FHIP1B: variants seen among roughly 807,000 people sequenced by gnomAD.
The protein encoded by FHIP1B is FHF complex subunit HOOK-interacting protein 1B.
A neutral mutation model predicts 82.2 loss-of-function variants in FHIP1B; 28 were observed. The ratio of observed to expected loss-of-function variants is 0.34; its 90% CI spans 0.25 to 0.47. FHIP1B has a LOEUF of 0.47. Among genes scored for constraint, FHIP1B ranks in the 20% least tolerant of loss-of-function variants. FHIP1B has a pLI of 1.00. For synonymous variants in FHIP1B, 585 were observed against 516.1 expected, an observed-to-expected ratio of 1.13 and a Z score of -1.81; for missense variants, 1,110 against 1,262.6, an observed-to-expected ratio of 0.88 and a Z score of 1.83.
At chr11:6,212,033 C>G (rs1259929434) in intron 11 of FHIP1B, 166 bp from the exon 12 acceptor site, 1 of 891,970 alleles carries the variant, frequency 1.1e-6, no homozygotes, top group Non-Finnish European at 1.3e-6. Context: ...GGTACCATTT[C>G]CTGTCCCATC....
intron 1 of FHIP1B, among the ~76,000 whole-genome samples, chr11:6,226,650 A>C (rs1045841305): frequency 6.6e-6 from 1 of 152,254 alleles, no homozygotes; most frequent in Non-Finnish European, 1.5e-5. Context: ...TTCAAAGAAC[A>C]GTTGCAAATT....
In FHIP1B at chr11:6,224,044, G is replaced by T; in HGVS notation, c.343C>A (p.Gln115Lys). The change falls in exon 3 of 12, where the codon CAA (glutamine) becomes AAA (lysine). Residue 115 changes from glutamine to lysine, a missense_variant. Gln to Lys is a moderately conservative substitution (Grantham distance 53). Transcript: ENST00000449352. ...LLTRVLTWQLQWDELGDGVEE... is the reference protein window; with the variant it reads ...LLTRVLTWQLKWDELGDGVEE... Reference sequence around the variant, plus strand: ...ACCCCATCCCCAAGCTCATCCCATTGCAGCTGCCATGTCAACACACGGGTC... The same window carrying T: ...ACCCCATCCCCAAGCTCATCCCATTTCAGCTGCCATGTCAACACACGGGTC... The T allele has an allele frequency of 6.2e-7, 1 of 1,613,608 alleles. No individual in the cohort carries two copies. The highest frequency in any genetic ancestry group is 1.3e-5 in the African/African-American group (1 of 75,050).
chr11:6,231,878 C>G (rs1040313904), intron 1 of FHIP1B, among the ~76,000 whole-genome samples: 1 of 152,222 alleles, frequency 6.6e-6, no homozygotes, highest in African/African-American at 2.4e-5. Context: ...TCTCTCCCTA[C>G]TAGACTGAAA....
At chr11:6,230,101 A>G (rs1484013825) in intron 1 of FHIP1B, among the ~76,000 whole-genome samples, 2 of 152,178 alleles carry the variant, frequency 1.3e-5, no homozygotes, top group Non-Finnish European at 2.9e-5. Flanking sequence ...CACTCACCTT[A>G]TAGCCCAAAA....
At chr11:6,226,764 AG>A (rs961466954) in intron 1 of FHIP1B, among the ~76,000 whole-genome samples, 56 of 152,354 alleles carry the variant, frequency 3.7e-4, no homozygotes, top group African/African-American at 1.3e-3. Flanking sequence ...TATGCTAAGG[AG>A]TTTAGCTTTT....
chr11:6,227,418 G>A (rs1353781805), intron 1 of FHIP1B, among the ~76,000 whole-genome samples: 2 of 152,170 alleles, frequency 1.3e-5, no homozygotes, highest in East Asian at 3.9e-4. Context: ...ACAAGACCTG[G>A]CAAACAAATG....
chr11:6,217,053 T>C, intron 9 of FHIP1B: 1 of 700,920 alleles, frequency 1.4e-6, no homozygotes, highest in Admixed American at 2.0e-5. Flanking sequence ...CCAGGAAACA[T>C]CAAACACAGA....
chr11:6,224,411 A>G lies in FHIP1B; in HGVS notation c.106T>C (p.Cys36Arg). ...QTPVMADPET[C>R]LMVFKNHWSQ... ...CAGTGATTCTTGAAGACCATGAGGC[A>G]GGTCTCGGGATCAGCCATGACTGGG... The change falls in exon 2 of 12, where the codon TGC becomes CGC. Residue 36 changes from cysteine to arginine, a missense_variant. This residue lies in a region of FHIP1B where 467 missense variants were observed against 602.9 expected (regional missense o/e 0.77). Coordinates refer to ENST00000449352, the MANE Select transcript of FHIP1B (RefSeq NM_001098794.2). 6.2e-7 allele frequency: 1 copy of G among 1,614,170 alleles called. No individual in the cohort carries two copies. The highest frequency in any genetic ancestry group is 1.1e-5 in the South Asian group (1 of 91,084).
At chr11:6,214,968 C>T in intron 9 of FHIP1B, 57 bp from the exon 10 acceptor site, 1 of 1,431,922 alleles carries the variant, frequency 7.0e-7, no homozygotes, top group Non-Finnish European at 9.2e-7. Context: ...ATGCACATCG[C>T]ACGCATTCCT....
intron 1 of FHIP1B, among the ~76,000 whole-genome samples, chr11:6,234,067 T>C (rs1055517476): frequency 2.3e-4 from 35 of 152,268 alleles, no homozygotes; most frequent in African/African-American, 7.5e-4. Flanking sequence ...ACTATTGCTC[T>C]CACTGGACAG....
At position 6,214,791 on chromosome 11, in the gene FHIP1B, C is replaced by G; in HGVS notation, c.2336G>C (p.Arg779Pro). The change falls in exon 10 of 12, where the codon CGC (arginine) becomes CCC (proline). Residue 779 changes from arginine (R) to proline (P), a missense_variant. By Grantham distance (103) the Arg-to-Pro change is moderately radical. This residue lies in a region of FHIP1B where 39 missense variants were observed against 79.6 expected (regional missense o/e 0.49). Transcript: ENST00000449352. ...CATGTTGGTGTTGAGCAGGAAAGAG[C>G]GGAGCAGGGGCTGGGGGTGACAGGC... ...QLACHPQPLLRSFLLNTNMVF... is the reference protein window; with the variant it reads ...QLACHPQPLLPSFLLNTNMVF... 6.2e-7 allele frequency: 1 copy of G among 1,608,760 alleles called. No homozygotes were observed. The highest frequency in any genetic ancestry group is 8.5e-7 in the Non-Finnish European group (1 of 1,177,650).
intron 9 of FHIP1B, among the ~76,000 whole-genome samples, chr11:6,216,302 G>A (rs1282556722): frequency 6.6e-6 from 1 of 152,236 alleles, no homozygotes; most frequent in Non-Finnish European, 1.5e-5. Context: ...ACTTATCAAG[G>A]CATGACAATC....
At chr11:6,221,785 G>GT (rs1352456542) in intron 6 of FHIP1B, among the ~76,000 whole-genome samples, 3 of 152,098 alleles carry the variant, frequency 2.0e-5, no homozygotes, top group South Asian at 2.1e-4. Flanking sequence ...AAGCACTCTA[G>GT]TTTTTTCATA....
intron 6 of FHIP1B, among the ~76,000 whole-genome samples, chr11:6,220,311 T>C (rs2133811533): frequency 6.6e-6 from 1 of 152,034 alleles, no homozygotes; most frequent in East Asian, 1.9e-4. Flanking sequence ...ATTCTGCCAA[T>C]AGAAATAAGG....
chr11:6,218,783 G>T lies in FHIP1B; in HGVS notation c.1272-20C>A. The stretch of plus-strand genomic sequence containing the variant: ...AGATACCTGAGAAAGACATCAGAAA[G>T]GGGACACAGGGTAGATCAGGAAGGA... On this transcript the variant is annotated intron_variant, in intron 7 of 11. Transcript: ENST00000449352. 6.2e-7 allele frequency: 1 copy of T among 1,613,380 alleles called. No individual in the cohort carries two copies. The highest frequency in any genetic ancestry group is 8.5e-7 in the Non-Finnish European group (1 of 1,179,344).
At chr11:6,230,130 C>T (rs901860822) in intron 1 of FHIP1B, among the ~76,000 whole-genome samples, 1 of 152,166 alleles carries the variant, frequency 6.6e-6, no homozygotes, top group Non-Finnish European at 1.5e-5. Context: ...TACAGCCACA[C>T]ACAGCAAGGG....
At position 6,226,889 on chromosome 11, in the gene FHIP1B, T is replaced by C. The variant is rs184000840; in HGVS notation, c.-191-2182A>G. On this transcript the variant is annotated intron_variant, in intron 1 of 11. Coordinates refer to ENST00000449352, the MANE Select transcript of FHIP1B (RefSeq NM_001098794.2). ...ATAAGATGGAGCAGAGAGAGATGGATTGCAGTGGACAATTTATAAGAAGCT... is the reference window on the plus strand; with the variant it reads ...ATAAGATGGAGCAGAGAGAGATGGACTGCAGTGGACAATTTATAAGAAGCT... 3.9e-5 allele frequency among the ~76,000 whole-genome samples: 6 copies of C among 152,292 alleles called. 1 individual carries two copies. Among genetic ancestry groups the C allele is most frequent in the Admixed American group, 3.3e-4 (5 of 15,302 alleles).
chr11:6,216,635 T>C (rs991778484), intron 9 of FHIP1B: 2 of 158,778 alleles, frequency 1.3e-5, no homozygotes, highest in African/African-American at 4.9e-5. Context: ...CAAAGAGGAG[T>C]TAGTCCAACC....
chr11:6,218,539 C>A (rs759909208), intron 8 of FHIP1B, 61 bp downstream of exon 8: 1 of 1,607,006 alleles, frequency 6.2e-7, no homozygotes, highest in Non-Finnish European at 8.5e-7. Context: ...GCTACGCTCC[C>A]CCAGAACCTA....
Sources: gnomAD v4.1 joint callset for allele counts (sites outside exome capture counted in the v4.1 genomes callset) on GRCh38, gnomAD v4.1.1 for gene constraint, gnomAD v4.1.1 regional missense constraint, MANE v1.5 for transcripts, NCBI Gene and HGNC (gene_info 2026-07-23, HGNC 2026-07-21) for gene names.